Variants in MYO3B observed in about 807,000 individuals in gnomAD.
MYO3B encodes myosin-IIIb.
Under a neutral mutation model 174.6 loss-of-function variants are expected in MYO3B, and 156 were observed. That is an observed-to-expected ratio of 0.89 (90% CI 0.78 to 1.02). The LOEUF is 1.02. Among genes scored for constraint, MYO3B ranks in the 50% least tolerant of loss-of-function variants. The pLI is 0.00. For missense variants in MYO3B, 1,632 were observed against 1,639.4 expected (o/e 1.00, Z 0.08); for synonymous variants, 563 against 569.1 (o/e 0.99, Z 0.15).
In MYO3B at chr2:170,451,101, A is replaced by G. The variant is rs368654769; in HGVS notation, c.2730+7055A>G. Among the ~76,000 whole-genome samples, 106 of 152,292 alleles carry G rather than the reference A, an allele frequency of 7.0e-4. No individual in the cohort carries two copies. The South Asian group carries it at 0.022, about 31-fold the overall frequency. The stretch of plus-strand genomic sequence containing the variant: ...TCCCTTTAACAAAAACCATATTCCC[A>G]TGCCTTCTTATAATTTCCCACCAAA... On this transcript the variant is annotated intron_variant, in intron 23 of 34. Transcript: ENST00000408978.
chr2:170,382,959 A>C, intron 10 of MYO3B, 114 bp from the exon 11 acceptor site: 1 of 696,360 alleles, frequency 1.4e-6, no homozygotes, highest in Non-Finnish European at 2.5e-6. Flanking sequence ...TAAATGGACT[A>C]CTTTCATCGT....
intron 7 of MYO3B, among the ~76,000 whole-genome samples, chr2:170,267,025 A>AT (rs1242281807): frequency 1.3e-5 from 2 of 152,194 alleles, no homozygotes; most frequent in African/African-American, 4.8e-5. Flanking sequence ...TTTCTCAGAC[A>AT]TTTTTCTAGA....
intron 14 of MYO3B, among the ~76,000 whole-genome samples, chr2:170,388,994 C>T (rs1475339027): frequency 1.3e-5 from 2 of 152,158 alleles, no homozygotes; most frequent in Admixed American, 6.5e-5. Context: ...ATTTAGGGAG[C>T]TACCTCTGAC....
At chr2:170,457,269 G>C (rs1487798069) in intron 23 of MYO3B, among the ~76,000 whole-genome samples, 1 of 151,974 alleles carries the variant, frequency 6.6e-6, no homozygotes, top group Non-Finnish European at 1.5e-5. Context: ...ATTTTATTCA[G>C]TAATAAATTA....
intron 21 of MYO3B, among the ~76,000 whole-genome samples, chr2:170,406,480 A>G (rs1171115632): frequency 6.6e-6 from 1 of 152,156 alleles, no homozygotes; most frequent in Middle Eastern, 3.2e-3. Context: ...TATGGTATCT[A>G]TTTTGGATCT....
intron 32 of MYO3B, among the ~76,000 whole-genome samples, chr2:170,570,395 TA>T (rs1374277177): frequency 6.6e-6 from 1 of 152,208 alleles, no homozygotes; most frequent in Non-Finnish European, 1.5e-5. Context: ...ATGAGATACA[TA>T]ATTAATCTTT....
chr2:170,337,771 A>G (rs1317086936), intron 8 of MYO3B: 1 of 152,224 alleles, frequency 6.6e-6, no homozygotes, highest in African/African-American at 2.4e-5. Context: ...TGTATTATAT[A>G]CTGTATTCTT....
At chr2:170,382,967 C>A in intron 10 of MYO3B, 106 bp from the exon 11 acceptor site, 1 of 725,908 alleles carries the variant, frequency 1.4e-6, no homozygotes, top group Non-Finnish European at 2.4e-6. Flanking sequence ...CTACTTTCAT[C>A]GTTTAGAGAA....
intron 22 of MYO3B, among the ~76,000 whole-genome samples, chr2:170,413,126 G>A (rs1395320993): frequency 5.3e-5 from 8 of 152,110 alleles, no homozygotes; most frequent in Non-Finnish European, 1.2e-4. Context: ...CATAAGTGAA[G>A]CAATATAACA....
intron 22 of MYO3B, among the ~76,000 whole-genome samples, chr2:170,436,005 T>C (rs2094750658): frequency 1.3e-5 from 2 of 152,224 alleles, no homozygotes; most frequent in South Asian, 2.1e-4. Context: ...CTTTTAAAAG[T>C]TCCAGCTCTG....
At chr2:170,606,854 C>T (rs979014457) in intron 32 of MYO3B, among the ~76,000 whole-genome samples, 8 of 151,992 alleles carry the variant, frequency 5.3e-5, no homozygotes, top group African/African-American at 1.7e-4. Context: ...AACCGTGTCT[C>T]GACAGAAAAT....
intron 24 of MYO3B, among the ~76,000 whole-genome samples, 196 bp downstream of exon 24, chr2:170,463,641 G>A (rs1404545894): frequency 1.3e-5 from 2 of 152,218 alleles, no homozygotes; most frequent in Non-Finnish European, 2.9e-5. Context: ...GACTGATTCT[G>A]TTAGCATATG....
At chr2:170,426,711 T>C (rs887322280) in intron 22 of MYO3B, among the ~76,000 whole-genome samples, 5 of 152,086 alleles carry the variant, frequency 3.3e-5, no homozygotes, top group African/African-American at 1.2e-4. Context: ...TTTGAATTAA[T>C]GAATGGGAGT....
chr2:170,358,162 A>G (rs1372276380), intron 8 of MYO3B, among the ~76,000 whole-genome samples: 1 of 152,000 alleles, frequency 6.6e-6, no homozygotes, highest in Non-Finnish European at 1.5e-5. Flanking sequence ...CAAAAAAAAA[A>G]ACAAAAAAAC....
intron 7 of MYO3B, among the ~76,000 whole-genome samples, chr2:170,287,205 C>G (rs1399191488): frequency 6.6e-6 from 1 of 152,032 alleles, no homozygotes; most frequent in Non-Finnish European, 1.5e-5. Flanking sequence ...GCATGTATCT[C>G]TTTTATATAC....
At chr2:170,185,867 G>T (rs914878794) in intron 1 of MYO3B, among the ~76,000 whole-genome samples, 13 of 151,678 alleles carry the variant, frequency 8.6e-5, no homozygotes, top group Non-Finnish European at 1.0e-4. Context: ...TCATTTTTTT[G>T]GGTTAATTCC....
intron 6 of MYO3B, among the ~76,000 whole-genome samples, chr2:170,226,709 T>TC (rs1422657926): frequency 6.6e-6 from 1 of 152,106 alleles, no homozygotes; most frequent in Non-Finnish European, 1.5e-5. Context: ...GGGCTTTAGA[T>TC]CCCAGATGTG....
At chr2:170,646,812 A>G (rs2105469754) in intron 32 of MYO3B, 1 of 680,704 alleles carries the variant, frequency 1.5e-6, no homozygotes. Flanking sequence ...TTAATAGAGA[A>G]GCAGTAACAA....
chr2:170,238,659 A>G (rs1192576590), intron 7 of MYO3B, among the ~76,000 whole-genome samples: 12 of 150,252 alleles, frequency 8.0e-5, no homozygotes, highest in Non-Finnish European at 1.5e-5. Context: ...AGAAAATAAA[A>G]CCTTGATGGA....
Sources: allele counts gnomAD v4.1 joint callset (sites outside exome capture counted in the v4.1 genomes callset), GRCh38; gene constraint gnomAD v4.1.1; transcripts MANE v1.5; gene names NCBI Gene and HGNC (gene_info 2026-07-23, HGNC 2026-07-21).